Variants in PFKP observed in about 807,000 individuals in gnomAD.
PFKP encodes phosphofructokinase, platelet, also known as ATP-dependent 6-phosphofructokinase, platelet type.
Under a neutral mutation model 94.3 loss-of-function variants are expected in PFKP, and 101 were observed. The observed-to-expected ratio is 1.07, with a 90% CI of 0.91 to 1.26. The LOEUF is 1.26. Ranked by LOEUF, PFKP falls within the 50% of genes most tolerant of loss-of-function variation. The probability of loss-of-function intolerance (pLI) is 0.00; values close to 1 mark genes in which losing one functional copy is unlikely to be tolerated. For synonymous variants in PFKP, 573 were observed against 432.6 expected (o/e 1.32, Z -4.03); for missense variants, 1,145 against 1,103.3 (o/e 1.04, Z -0.53).
chr10:3,099,625 C>T (rs913355058), intron 3 of PFKP, among the ~76,000 whole-genome samples: 9 of 152,220 alleles, frequency 5.9e-5, no homozygotes, highest in East Asian at 1.9e-4. Flanking sequence ...CTGGTCCAGG[C>T]TCTCTCTGCA....
chr10:3,093,516 T>A (rs898059603), intron 2 of PFKP, among the ~76,000 whole-genome samples: 1 of 152,184 alleles, frequency 6.6e-6, no homozygotes, highest in African/African-American at 2.4e-5. Flanking sequence ...CCGAGCTGGC[T>A]GACTCCTAGA....
At chr10:3,099,886 GTGTGTAAC>G (rs1476115220) in intron 3 of PFKP, among the ~76,000 whole-genome samples, 1 of 146,616 alleles carries the variant, frequency 6.8e-6, no homozygotes, top group Non-Finnish European at 1.5e-5. Flanking sequence ...ATCTCGGTGT[GTGTGTAAC>G]TGTGTGAGTC....
chr10:3,068,714 A>C, intron 1 of PFKP: 1 of 984,572 alleles, frequency 1.0e-6, no homozygotes, highest in South Asian at 4.7e-5. Flanking sequence ...CGGATGATGG[A>C]GTGTCCCGAT....
At chr10:3,101,313 C>T (rs961288698) in intron 3 of PFKP, 52 bp from the exon 4 acceptor site, 6 of 1,454,046 alleles carry the variant, frequency 4.1e-6, no homozygotes, top group Non-Finnish European at 3.7e-6. Context: ...GTGCCATCCA[C>T]CTGGCGCTCT....
At chr10:3,102,326 C>T (rs1370983639) in intron 4 of PFKP, among the ~76,000 whole-genome samples, 1 of 149,420 alleles carries the variant, frequency 6.7e-6, no homozygotes, top group Non-Finnish European at 1.5e-5. Context: ...TCTGCCAATA[C>T]ATCATCCAGT....
chr10:3,072,559 T>A (rs998393857), intron 1 of PFKP, among the ~76,000 whole-genome samples: 1 of 152,146 alleles, frequency 6.6e-6, no homozygotes, highest in African/African-American at 2.4e-5. Context: ...TGTCACCATG[T>A]GGCACAGTGG....
Position 3,084,192 on chromosome 10 carries a change from T to C in PFKP, c.186+1731T>C, listed in dbSNP as rs1468407094. Among the ~76,000 whole-genome samples, 5 of 152,228 alleles carry C rather than the reference T, an allele frequency of 3.3e-5. No individual in the cohort carries two copies. The East Asian group carries it at 9.6e-4, about 29-fold the overall frequency. On this transcript the variant is annotated intron_variant, in intron 2 of 21. Transcript: ENST00000381125. ...GGACAGTCATCATGATGGCTTGGGA[T>C]GCCTCTTGCCTAAGTAATTCCTGAA...
intron 1 of PFKP, among the ~76,000 whole-genome samples, chr10:3,075,433 C>A (rs115040685): frequency 6.6e-6 from 1 of 151,650 alleles, no homozygotes; most frequent in South Asian, 2.1e-4. Flanking sequence ...GATTCCAGAG[C>A]GGCTTCCCTC....
At chr10:3,095,178 C>A (rs1834371176) in intron 2 of PFKP, among the ~76,000 whole-genome samples, 2 of 99,920 alleles carry the variant, frequency 2.0e-5, no homozygotes, top group South Asian at 6.5e-4. Context: ...GGTATAATTT[C>A]CCTTTGTCTG....
At chr10:3,093,108 G>A (rs1184252450) in intron 2 of PFKP, among the ~76,000 whole-genome samples, 1 of 152,204 alleles carries the variant, frequency 6.6e-6, no homozygotes, top group African/African-American at 2.4e-5. Flanking sequence ...CCTGGGATGT[G>A]TGGAAGGGGC....
chr10:3,081,496 C>CT (rs1564269815), intron 1 of PFKP, among the ~76,000 whole-genome samples: 1 of 152,236 alleles, frequency 6.6e-6, no homozygotes, highest in Non-Finnish European at 1.5e-5. Flanking sequence ...AGCAAAGGCA[C>CT]TGAAGGCTCA....
In PFKP at chr10:3,115,484, C is replaced by T. The variant is rs1160695286; in HGVS notation, c.1372-1292C>T. Among the ~76,000 whole-genome samples, 16 of 118,288 alleles carry T rather than the reference C, an allele frequency of 1.4e-4. 4 individuals are homozygous for T. Among genetic ancestry groups the T allele is most frequent in the African/African-American group, 4.8e-4 (14 of 29,402 alleles). 77.6% of individuals were successfully genotyped at this position (118,288 alleles called of 152,430 possible). On this transcript the variant is annotated intron_variant, in intron 13 of 21. Transcript: ENST00000381125. ...GTGTGTCCCGCCATGGAGGACAGGA[C>T]TGGGGATGCTGGGGTGAAGGTGTGT...
chr10:3,127,184 G>GAAAGCTGT (rs2131686768), intron 16 of PFKP, among the ~76,000 whole-genome samples: 1 of 152,378 alleles, frequency 6.6e-6, no homozygotes, highest in South Asian at 2.1e-4. Flanking sequence ...GAGAGTTCAG[G>GAAAGCTGT]AAAGCTGTAT....
In PFKP at chr10:3,092,877, G is replaced by T. The variant is rs571468168; in HGVS notation, c.187-6398G>T. Among the ~76,000 whole-genome samples, 5 of 152,276 alleles carry T rather than the reference G, an allele frequency of 3.3e-5. No homozygotes were observed. In the South Asian group the frequency reaches 1.0e-3, roughly 32 times the overall value. On this transcript the variant is annotated intron_variant, in intron 2 of 21. Transcript: ENST00000381125. Reference sequence around the variant, plus strand: ...TGCTCCCCTGTCTGAGGAAAGGGGTGTGGGGGACCTCTCCTAATCTGGAGG... The same window carrying T: ...TGCTCCCCTGTCTGAGGAAAGGGGTTTGGGGGACCTCTCCTAATCTGGAGG...
intron 13 of PFKP, among the ~76,000 whole-genome samples, chr10:3,114,524 A>C (rs942574920): frequency 9.9e-5 from 15 of 152,234 alleles, no homozygotes; most frequent in African/African-American, 3.6e-4. Context: ...GGTTCCGTGG[A>C]GACTGCGTTT....
intron 3 of PFKP, among the ~76,000 whole-genome samples, chr10:3,100,002 G>A (rs1044999128): frequency 6.6e-6 from 1 of 151,690 alleles, no homozygotes; most frequent in Non-Finnish European, 1.5e-5. Flanking sequence ...TAGCGAATGT[G>A]TATCTGTGTG....
intron 16 of PFKP, among the ~76,000 whole-genome samples, chr10:3,120,894 C>T (rs1329997888): frequency 1.3e-5 from 2 of 152,090 alleles, no homozygotes; most frequent in African/African-American, 2.4e-5. Context: ...TTTGAAGATC[C>T]GTACCTAACA....
intron 1 of PFKP, among the ~76,000 whole-genome samples, chr10:3,068,404 C>T (rs2131360383): frequency 6.6e-6 from 1 of 152,284 alleles, no homozygotes; most frequent in Admixed American, 6.5e-5. Context: ...TTCCTGCGCT[C>T]GCATGTGCTG....
chr10:3,135,102 C>CTT (rs924702818), intron 20 of PFKP, among the ~76,000 whole-genome samples: 1 of 152,128 alleles, frequency 6.6e-6, no homozygotes, highest in Non-Finnish European at 1.5e-5. Context: ...AGAAACATGA[C>CTT]TTTTTTATAA....
Sources: allele counts gnomAD v4.1 joint callset (sites outside exome capture counted in the v4.1 genomes callset), GRCh38; gene constraint gnomAD v4.1.1; transcripts MANE v1.5; gene names NCBI Gene and HGNC (gene_info 2026-07-23, HGNC 2026-07-21).